AGBL4: variants seen among roughly 807,000 people sequenced by gnomAD.
AGBL4 encodes the protein AGBL carboxypeptidase 4, also known as cytosolic carboxypeptidase 6.
Under a neutral mutation model 66.4 loss-of-function variants are expected in AGBL4, and 58 were observed. The observed-to-expected ratio is 0.87, with a 90% CI of 0.71 to 1.09. The LOEUF is 1.09. Among genes scored for constraint, AGBL4 ranks in the 50% least tolerant of loss-of-function variants. AGBL4 has a pLI of 0.00. For synonymous variants in AGBL4, 234 were observed against 222.9 expected (o/e 1.05, Z -0.44); for missense variants, 579 against 631.0 (o/e 0.92, Z 0.88).
intron 5 of AGBL4, among the ~76,000 whole-genome samples, chr1:49,031,610 TC>T (rs1664232250): frequency 6.6e-6 from 1 of 152,042 alleles, no homozygotes; most frequent in Non-Finnish European, 1.5e-5. Context: ...GAATAGCCTT[TC>T]TTCAAAAAAA....
At chr1:49,578,248 A>C (rs1644474380) in intron 3 of AGBL4, among the ~76,000 whole-genome samples, 1 of 152,230 alleles carries the variant, frequency 6.6e-6, no homozygotes. Flanking sequence ...AATGGAGGTA[A>C]GGAAGAGTAT....
chr1:48,569,316 A>G (rs1644523577), intron 11 of AGBL4, among the ~76,000 whole-genome samples: 1 of 152,220 alleles, frequency 6.6e-6, no homozygotes, highest in Non-Finnish European at 1.5e-5. Flanking sequence ...TCGATTGCCA[A>G]TGCCCAGCAC....
At chr1:48,825,715 A>G (rs1302014641) in intron 6 of AGBL4, among the ~76,000 whole-genome samples, 2 of 152,224 alleles carry the variant, frequency 1.3e-5, no homozygotes, top group Non-Finnish European at 2.9e-5. Context: ...AAAGGCAAAG[A>G]AGTGGTAAAA....
At position 48,992,031 on chromosome 1, in the gene AGBL4, A is replaced by G. The variant is rs370625463; in HGVS notation, c.594+53553T>C. Among the ~76,000 whole-genome samples the G allele has an allele frequency of 1.5e-4, 23 of 152,164 alleles. No homozygotes were observed. The East Asian group carries it at 3.9e-3, about 26-fold the overall frequency. ...TGGTGAGGTCATGTTTTCCTGGATG[A>G]TCTTGATGCTTGTGGATGTTCCTTG... On this transcript the variant is annotated intron_variant, in intron 5 of 13. Coordinates refer to ENST00000371839, the MANE Select transcript of AGBL4 (RefSeq NM_032785.4).
At chr1:49,522,676 A>G (rs1395547099) in intron 3 of AGBL4, among the ~76,000 whole-genome samples, 1 of 152,012 alleles carries the variant, frequency 6.6e-6, no homozygotes, top group African/African-American at 2.4e-5. Context: ...TCACAAATGG[A>G]CCCTTTCACT....
chr1:48,711,345 CCT>C (rs1398560487), intron 6 of AGBL4, among the ~76,000 whole-genome samples: 2 of 152,166 alleles, frequency 1.3e-5, no homozygotes, highest in Non-Finnish European at 2.9e-5. Flanking sequence ...GCTTTAATGG[CCT>C]CTTATGCTTT....
At chr1:49,451,047 T>G (rs1646267648) in intron 3 of AGBL4, among the ~76,000 whole-genome samples, 1 of 152,056 alleles carries the variant, frequency 6.6e-6, no homozygotes, top group Admixed American at 6.6e-5. Context: ...GAAAAAAAAT[T>G]CTGCTTCCAA....
In AGBL4 at chr1:48,653,233, C is replaced by G. The variant is rs915129907; in HGVS notation, c.839+104G>C. 6.9e-6 allele frequency: 6 copies of G among 864,238 alleles called. No individual in the cohort carries two copies. The African/African-American group carries it at 8.6e-5, about 12-fold the overall frequency. 53.5% of individuals were successfully genotyped at this position (864,238 alleles called of 1,614,324 possible). ...AAACTTTCTCTAATGAACTCATGGG[C>G]AGCCTCAAAATTCTTCCTCAAAAAA... is the stretch of plus-strand genomic sequence containing the variant. On this transcript the variant is annotated intron_variant, in intron 8 of 13. Coordinates refer to ENST00000371839, the MANE Select transcript of AGBL4 (RefSeq NM_032785.4).
At chr1:49,224,733 C>G (rs941601339) in intron 4 of AGBL4, among the ~76,000 whole-genome samples, 2 of 152,078 alleles carry the variant, frequency 1.3e-5, no homozygotes, top group Admixed American at 6.5e-5. Context: ...TGCAGCAGGC[C>G]TTGTACTGGA....
intron 4 of AGBL4, among the ~76,000 whole-genome samples, chr1:49,181,056 G>A (rs1395380467): frequency 6.6e-6 from 1 of 152,122 alleles, no homozygotes; most frequent in Non-Finnish European, 1.5e-5. Flanking sequence ...CACACTCACA[G>A]AGGGCTGGTT....
intron 1 of AGBL4, among the ~76,000 whole-genome samples, chr1:49,924,014 C>T (rs886271802): frequency 4.6e-5 from 7 of 152,074 alleles, no homozygotes; most frequent in African/African-American, 1.5e-4. Context: ...TAGACACATG[C>T]GTGTGTATGT....
intron 6 of AGBL4, among the ~76,000 whole-genome samples, chr1:48,677,512 G>C (rs1430580373): frequency 1.3e-5 from 2 of 152,138 alleles, no homozygotes; most frequent in Non-Finnish European, 2.9e-5. Flanking sequence ...AGGCGCCAGG[G>C]GGCGCATTAC....
At chr1:48,679,256 G>C (rs1415608702) in intron 6 of AGBL4, among the ~76,000 whole-genome samples, 1 of 152,236 alleles carries the variant, frequency 6.6e-6, no homozygotes, top group Non-Finnish European at 1.5e-5. Context: ...ACTACTTTGA[G>C]TTGTCTTGGC....
intron 5 of AGBL4, among the ~76,000 whole-genome samples, chr1:48,892,118 GCAAT>G (rs1445952394): frequency 6.6e-6 from 1 of 152,084 alleles, no homozygotes; most frequent in Non-Finnish European, 1.5e-5. Flanking sequence ...AATCTCAGAG[GCAAT>G]AATTTTGCCT....
chr1:49,172,496 T>C (rs1352927344), intron 4 of AGBL4, among the ~76,000 whole-genome samples: 1 of 152,032 alleles, frequency 6.6e-6, no homozygotes, highest in African/African-American at 2.4e-5. Flanking sequence ...AATTTATGAA[T>C]TGAGGTAGTG....
intron 3 of AGBL4, among the ~76,000 whole-genome samples, chr1:49,328,096 A>G (rs1011279748): frequency 6.6e-6 from 1 of 152,192 alleles, no homozygotes; most frequent in African/African-American, 2.4e-5. Context: ...AAGGAACTGG[A>G]GAGAGAAATA....
chr1:49,709,510 C>T (rs1334220998), intron 2 of AGBL4, among the ~76,000 whole-genome samples: 1 of 152,150 alleles, frequency 6.6e-6, no homozygotes, highest in Non-Finnish European at 1.5e-5. Context: ...TAGACATGGG[C>T]AAAGACTTCA....
rs561472057 is a variant in AGBL4 at position 49,813,333 on chromosome 1, A to T, written c.157+38063T>A. On this transcript the variant is annotated intron_variant, in intron 2 of 13. Transcript: ENST00000371839. Reference sequence around the variant, plus strand: ...GCCACATCACTAAGATGGAATTTAAAAGTAGCCCTTGCTTAAGACACTCTC... The same window carrying T: ...GCCACATCACTAAGATGGAATTTAATAGTAGCCCTTGCTTAAGACACTCTC... 5.9e-5 allele frequency among the ~76,000 whole-genome samples: 9 copies of T among 152,230 alleles called. No individual in the cohort carries two copies. In the South Asian group the frequency reaches 1.7e-3, roughly 28 times the overall value.
intron 6 of AGBL4, among the ~76,000 whole-genome samples, chr1:48,690,188 C>T (rs1646607130): frequency 6.6e-6 from 1 of 152,194 alleles, no homozygotes; most frequent in South Asian, 2.1e-4. Context: ...AAGTCAGGGC[C>T]CATCCAGGCC....
Sources: allele counts gnomAD v4.1 joint callset (sites outside exome capture counted in the v4.1 genomes callset), GRCh38; gene constraint gnomAD v4.1.1; transcripts MANE v1.5; gene names NCBI Gene and HGNC (gene_info 2026-07-23, HGNC 2026-07-21).